GLRB: variants seen among roughly 807,000 people sequenced by gnomAD.
The protein encoded by GLRB is glycine receptor subunit beta.
GLRB carries 33 observed loss-of-function variants against 54.2 expected under a neutral mutation model. The ratio of observed to expected loss-of-function variants is 0.61; its 90% CI spans 0.46 to 0.81. GLRB has a LOEUF of 0.81. Among genes scored for constraint, GLRB ranks in the 40% least tolerant of loss-of-function variants. The pLI is 0.00. For synonymous variants in GLRB, 209 were observed against 208.2 expected (o/e 1.00, Z -0.03); for missense variants, 572 against 584.6 (o/e 0.98, Z 0.22).
intron 8 of GLRB, among the ~76,000 whole-genome samples, chr4:157,148,825 T>C (rs929746113): frequency 3.3e-5 from 5 of 152,232 alleles, no homozygotes; most frequent in African/African-American, 1.2e-4. Flanking sequence ...TTTGTTGTGT[T>C]CTGTAAGTAT....
At chr4:157,108,925 C>T (rs1735319841) in intron 2 of GLRB, among the ~76,000 whole-genome samples, 1 of 152,040 alleles carries the variant, frequency 6.6e-6, no homozygotes, top group Admixed American at 6.6e-5. Context: ...GATCAGTCAG[C>T]AGTCATCAAC....
At chr4:157,149,124 A>T (rs1736924281) in intron 8 of GLRB, among the ~76,000 whole-genome samples, 1 of 152,134 alleles carries the variant, frequency 6.6e-6, no homozygotes, top group Admixed American at 6.5e-5. Context: ...AGGATTAAAT[A>T]AATAAGTTTA....
intron 4 of GLRB, among the ~76,000 whole-genome samples, chr4:157,131,162 C>T (rs78010347): frequency 0.034 from 5,208 of 151,710 alleles, 154 homozygotes; most frequent in African/African-American, 0.081. Flanking sequence ...ATCACAGGCA[C>T]TAAGGTGGGC....
At chr4:157,144,281 A>T (rs1041174445) in intron 8 of GLRB, among the ~76,000 whole-genome samples, 2 of 152,240 alleles carry the variant, frequency 1.3e-5, no homozygotes, top group African/African-American at 4.8e-5. Context: ...CTTAAAAATG[A>T]ATAACTATTT....
rs763569243 is a variant in GLRB at position 157,078,129 on chromosome 4, G to A, written c.105G>A (p.Lys35=). The A allele has an allele frequency of 1.2e-6, 2 of 1,612,142 alleles. No homozygotes were observed. Among genetic ancestry groups the A allele is most frequent in the South Asian group, 2.2e-5 (2 of 91,038 alleles). Residue 35 remains lysine (K), a synonymous_variant, in exon 2 of 10, where the codon AAG becomes AAA. Coordinates refer to ENST00000264428, the MANE Select transcript of GLRB (RefSeq NM_000824.5). ...CAAAGAAAGGGAAGGGGAAAAAGAA[G>A]CAGTATCTATGCCCATCGTATGTTC... is the stretch of plus-strand genomic sequence containing the variant. ...KSSKKGKGKK[K]QYLCPSQQSA...
At position 157,152,915 on chromosome 4, in the gene GLRB, G is replaced by T. The variant is rs1206848754; in HGVS notation, c.1102G>T (p.Ala368Ser). ...KRVEAEKARI[A>S]KAEQADGKGG... The stretch of plus-strand genomic sequence containing the variant: ...GGTTGAAGCTGAAAAAGCCAGAATT[G>T]CTAAGGCTGAGCAAGCAGATGGAAA... Residue 368 changes from alanine (A) to serine (S), a missense_variant, in exon 9 of 10, where the codon GCT (alanine) becomes TCT (serine). Physicochemically the swap from Ala to Ser is moderately conservative, Grantham distance 99 (BLOSUM62 1). Coordinates refer to ENST00000264428, the MANE Select transcript of GLRB (RefSeq NM_000824.5). The T allele has an allele frequency of 6.2e-7, 1 of 1,613,970 alleles. No homozygotes were observed. The highest frequency in any genetic ancestry group is 1.1e-5 in the South Asian group (1 of 91,084).
rs116511257 is a variant in GLRB, at chr4:157,149,413, G to A, written c.905-3305G>A. 8.2e-3 allele frequency among the ~76,000 whole-genome samples: 1,242 copies of A among 152,006 alleles called. 19 individuals carry two copies. Among genetic ancestry groups the A allele is most frequent in the African/African-American group, 0.028 (1,150 of 41,496 alleles). ...CTATGCACAGAACTATTGAAGTAAC[G>A]TTTTGTAATACTCTTAACTAAGTAA... On this transcript the variant is annotated intron_variant, in intron 8 of 9. Transcript: ENST00000264428.
intron 2 of GLRB, among the ~76,000 whole-genome samples, chr4:157,098,827 C>G (rs1328849553): frequency 6.6e-6 from 1 of 151,990 alleles, no homozygotes; most frequent in African/African-American, 2.4e-5. Context: ...AGACTGGCCT[C>G]GAACTCCTGA....
Position 157,140,870 on chromosome 4 carries a change from G to A in GLRB, c.751+1921G>A, listed in dbSNP as rs960237736. ...TTTCTTAGAGATGAAAATGACACTA[G>A]CAATTTTATTTGTAATTTTATGTAA... On this transcript the variant is annotated intron_variant, in intron 7 of 9. Coordinates refer to ENST00000264428, the MANE Select transcript of GLRB (RefSeq NM_000824.5). Among the ~76,000 whole-genome samples the A allele has an allele frequency of 2.6e-5, 4 of 151,856 alleles. No homozygotes were observed. In the East Asian group the frequency reaches 7.7e-4, roughly 29 times the overall value.
intron 2 of GLRB, among the ~76,000 whole-genome samples, chr4:157,083,935 G>A (rs921944121): frequency 2.6e-5 from 4 of 151,980 alleles, no homozygotes; most frequent in African/African-American, 9.7e-5. Context: ...TAATGATCAG[G>A]ATAACAAATG....
chr4:157,086,646 A>G (rs140132868), intron 2 of GLRB, among the ~76,000 whole-genome samples: 1 of 152,328 alleles, frequency 6.6e-6, no homozygotes, highest in East Asian at 1.9e-4. Context: ...CTTTCTTTGT[A>G]TGACTCCAAG....
At chr4:157,114,388 A>C (rs1323866527) in intron 2 of GLRB, among the ~76,000 whole-genome samples, 2 of 150,642 alleles carry the variant, frequency 1.3e-5, no homozygotes, top group African/African-American at 2.4e-5. Flanking sequence ...AGCTTTATAG[A>C]GTTATAGAAA....
intron 4 of GLRB, among the ~76,000 whole-genome samples, chr4:157,126,749 T>C (rs1736027465): frequency 6.6e-6 from 1 of 151,912 alleles, no homozygotes; most frequent in Admixed American, 6.6e-5. Flanking sequence ...AGCAGGATTT[T>C]CATAATTGAA....
At chr4:157,163,018 C>T (rs956867406) in intron 9 of GLRB, among the ~76,000 whole-genome samples, 3 of 152,320 alleles carry the variant, frequency 2.0e-5, no homozygotes, top group East Asian at 3.9e-4. Flanking sequence ...TGTTTACCTA[C>T]TCAAGCTTCA....
chr4:157,109,703 C>T (rs1052542255), intron 2 of GLRB, among the ~76,000 whole-genome samples: 2 of 152,018 alleles, frequency 1.3e-5, no homozygotes, highest in Admixed American at 1.3e-4. Flanking sequence ...GACTAACTGA[C>T]TGTAAATCTG....
intron 4 of GLRB, among the ~76,000 whole-genome samples, chr4:157,125,301 A>G (rs1428942084): frequency 1.3e-5 from 2 of 151,858 alleles, no homozygotes; most frequent in Admixed American, 1.3e-4. Context: ...TTGTCTATAT[A>G]TAAGATGCAC....
At chr4:157,127,984 A>T (rs17035710) in intron 4 of GLRB, among the ~76,000 whole-genome samples, 41,382 of 151,716 alleles carry the variant, frequency 0.27, 8,169 homozygotes, top group African/African-American at 0.56. Context: ...TTTGTTAGTA[A>T]TTTTTTTCCT....
At chr4:157,156,474 A>G (rs1450163043) in intron 9 of GLRB, among the ~76,000 whole-genome samples, 2 of 152,172 alleles carry the variant, frequency 1.3e-5, no homozygotes, top group Non-Finnish European at 2.9e-5. Context: ...ACACAGTCAC[A>G]TCATTGTTGA....
chr4:157,138,795 G>GT lies in GLRB; in HGVS notation c.611-9dup. On this transcript the variant is annotated splice_polypyrimidine_tract_variant and intron_variant, in intron 6 of 9. Transcript: ENST00000264428. ...TTATATTTTAAACTAACATTTATTT[G>GT]TTTTTGTTTATAGTTGGTTACACAA... The GT allele has an allele frequency of 7.5e-7, 1 of 1,333,184 alleles. No individual in the cohort carries two copies. Among genetic ancestry groups the GT allele is most frequent in the Non-Finnish European group, 1.1e-6 (1 of 930,262 alleles). The allele number at this position is 1,333,184 out of a possible 1,614,324, so 82.6% of individuals were successfully genotyped here.
Sources: allele counts gnomAD v4.1 joint callset (sites outside exome capture counted in the v4.1 genomes callset), GRCh38; gene constraint gnomAD v4.1.1; transcripts MANE v1.5; gene names NCBI Gene and HGNC (gene_info 2026-07-23, HGNC 2026-07-21).